The following ENPP1 variants were observed in gnomAD, a reference collection of about 807,000 sequenced individuals.
ENPP1 encodes the protein ectonucleotide pyrophosphatase/phosphodiesterase family member 1.
A neutral mutation model predicts 122.8 loss-of-function variants in ENPP1; 73 were observed. The observed-to-expected ratio is 0.59, with a 90% confidence interval of 0.49 to 0.72. The LOEUF is 0.72. Among genes scored for constraint, ENPP1 ranks in the 30% least tolerant of loss-of-function variants. The pLI is 0.00. For missense variants in ENPP1, 978 were observed against 1,128.1 expected, an observed-to-expected ratio of 0.87 and a Z score of 1.91; for synonymous variants, 367 against 391.6, an observed-to-expected ratio of 0.94 and a Z score of 0.74.
At chr6:131,866,989 G>A (rs1782098945) in intron 11 of ENPP1, among the ~76,000 whole-genome samples, 1 of 152,166 alleles carries the variant, frequency 6.6e-6, no homozygotes, top group African/African-American at 2.4e-5. Flanking sequence ...GAAAATCATT[G>A]CTGCCTTTTC....
At chr6:131,877,279 CAT>C (rs1347784692) in intron 18 of ENPP1, 118 bp downstream of exon 18, 4 of 980,592 alleles carry the variant, frequency 4.1e-6, no homozygotes, top group Middle Eastern at 2.0e-4. Flanking sequence ...GGTAGGTAAA[CAT>C]ATGTTTTAAT....
intron 2 of ENPP1, among the ~76,000 whole-genome samples, chr6:131,848,449 C>T (rs1290763696): frequency 6.6e-6 from 1 of 152,090 alleles, no homozygotes; most frequent in Non-Finnish European, 1.5e-5. Flanking sequence ...CATTGATGGT[C>T]ATTCTAGAGA....
chr6:131,843,633 C>A (rs1781768800), intron 1 of ENPP1, among the ~76,000 whole-genome samples: 1 of 151,566 alleles, frequency 6.6e-6, no homozygotes, highest in Non-Finnish European at 1.5e-5. Flanking sequence ...GTTTTCCCCA[C>A]CTTTCCCTCT....
rs752882955 is a variant in ENPP1, at chr6:131,868,119, A to T, written c.1266A>T (p.Ser422=). The T allele has an allele frequency of 1.1e-5, 17 of 1,608,018 alleles. No homozygotes were observed. The Admixed American group carries it at 2.2e-4, about 21-fold the overall frequency. The change falls in exon 12 of 25, where the codon TCA becomes TCT. Residue 422 remains serine (S), a synonymous_variant. Transcript: ENST00000647893. ...LHRCLNLILI[S]DHGMEQGSCK... is the part of the protein sequence containing the mutation. Reference sequence around the variant, plus strand: ...GATGCCTGAACCTCATCCTTATTTCAGATCATGGTAATCTGAATTTGCATT... The same window carrying T: ...GATGCCTGAACCTCATCCTTATTTCTGATCATGGTAATCTGAATTTGCATT...
At chr6:131,880,921 T>C (rs944385527) in intron 20 of ENPP1, among the ~76,000 whole-genome samples, 1 of 152,082 alleles carries the variant, frequency 6.6e-6, no homozygotes, top group African/African-American at 2.4e-5. Context: ...AAGAGCAGCC[T>C]TCCCCCTCAC....
At chr6:131,860,977 T>A (rs962514459) in intron 8 of ENPP1, among the ~76,000 whole-genome samples, 14 of 152,250 alleles carry the variant, frequency 9.2e-5, no homozygotes, top group South Asian at 2.1e-4. Context: ...TTTAAAAAAA[T>A]TTTTTAAAAA....
At chr6:131,863,703 A>T (rs1337274931) in intron 9 of ENPP1, among the ~76,000 whole-genome samples, 2 of 151,354 alleles carry the variant, frequency 1.3e-5, no homozygotes, top group East Asian at 1.9e-4. Context: ...TCACGAGGTC[A>T]GGAGATCACC....
intron 1 of ENPP1, among the ~76,000 whole-genome samples, chr6:131,817,916 C>T (rs535066773): frequency 9.1e-4 from 138 of 152,136 alleles, no homozygotes; most frequent in African/African-American, 3.2e-3. Context: ...CATTTTCTCA[C>T]CGTATTTCAG....
Position 131,808,099 on chromosome 6 carries a change from G to T in ENPP1, c.64G>T (p.Glu22Ter). ...RGGEGGRAPREGPAGNGRDRG... is the reference protein window; with the variant it reads ...RGGEGGRAPR ...CGGCGAGGGCGGGCGCGCTCCCCGG[G>T]AGGGCCCGGCGGGGAACGGCCGCGA... The change falls in exon 1 of 25, where the codon GAG (glutamate) becomes TAG (stop). Residue 22 changes from glutamate to a stop codon, truncating the protein, a stop_gained. Transcript: ENST00000647893. LOFTEE classifies it high-confidence loss of function. 8.5e-7 allele frequency: 1 copy of T among 1,174,336 alleles called. No individual in the cohort carries two copies. The highest frequency in any genetic ancestry group is 3.5e-4 in the Middle Eastern group (1 of 2,868). 72.7% of individuals were successfully genotyped at this position (1,174,336 alleles called of 1,614,324 possible). A position where few individuals can be genotyped will look rare whatever the true frequency, so the allele number is the denominator to read the frequency against.
In ENPP1 at chr6:131,877,118, C is replaced by A. The variant is rs778498608; in HGVS notation, c.1850C>A (p.Thr617Lys). Reference protein sequence around the residue: ...EVHPLVQCPFTRNPRDNLGCS... With the variant: ...EVHPLVQCPFKRNPRDNLGCS... ...CACCCCCTGGTACAGTGCCCCTTCA[C>A]AAGAAACCCCAGAGATAACCTTGGC... is the stretch of plus-strand genomic sequence containing the variant. The change falls in exon 18 of 25, where the codon ACA (threonine) becomes AAA (lysine). Residue 617 changes from threonine to lysine, a missense_variant. By Grantham distance (78) the Thr-to-Lys change is moderately conservative. This residue lies in a region of ENPP1 where 644 missense variants were observed against 781.5 expected (regional missense o/e 0.82). Transcript: ENST00000647893. 1 of 1,614,002 alleles carries A rather than the reference C, an allele frequency of 6.2e-7. No individual in the cohort carries two copies.
Position 131,847,839 on chromosome 6 carries a change from G to A in ENPP1, c.304G>A (p.Ala102Thr), listed in dbSNP as rs1250860929. The A allele has an allele frequency of 6.2e-7, 1 of 1,607,640 alleles. No individual in the cohort carries two copies. The highest frequency in any genetic ancestry group is 1.3e-5 in the African/African-American group (1 of 74,570). ...TATATTTGGGTTGAAACCAAGCTGT[G>A]CCAAAGAAGGTAATTAGGTGTGTGT... Reference protein sequence around the residue: ...GCIFGLKPSCAKEVKSCKGRC... With the variant: ...GCIFGLKPSCTKEVKSCKGRC... The change falls in exon 2 of 25, where the codon GCC becomes ACC. Residue 102 changes from alanine to threonine, a missense_variant. Ala to Thr is a moderately conservative substitution (Grantham distance 58). Around this residue, in one of 3 missense-constraint regions of ENPP1, gnomAD observed 330 missense variants for 328.5 expected, o/e 1.00. Transcript: ENST00000647893.
intron 1 of ENPP1, among the ~76,000 whole-genome samples, chr6:131,819,440 A>G (rs1005835865): frequency 6.6e-6 from 1 of 152,250 alleles, no homozygotes; most frequent in Non-Finnish European, 1.5e-5. Context: ...GTGACACTAA[A>G]TGTTAAATAC....
At chr6:131,839,502 GAACCCC>G (rs1781715156) in intron 1 of ENPP1, among the ~76,000 whole-genome samples, 1 of 152,122 alleles carries the variant, frequency 6.6e-6, no homozygotes, top group Non-Finnish European at 1.5e-5. Context: ...GTTATGCTGA[GAACCCC>G]TAAAATGCCA....
At chr6:131,855,595 G>A (rs1198427657) in intron 6 of ENPP1, among the ~76,000 whole-genome samples, 4 of 152,134 alleles carry the variant, frequency 2.6e-5, no homozygotes, top group African/African-American at 9.7e-5. Flanking sequence ...CAAAGTGCTA[G>A]GATTACAGGC....
chr6:131,837,325 A>G (rs1781687190), intron 1 of ENPP1, among the ~76,000 whole-genome samples: 1 of 151,996 alleles, frequency 6.6e-6, no homozygotes, highest in Non-Finnish European at 1.5e-5. Context: ...CAGGAGTTTG[A>G]GACCATCCTG....
intron 1 of ENPP1, chr6:131,826,076 G>A (rs1781543235): frequency 3.8e-6 from 3 of 779,344 alleles, no homozygotes; most frequent in African/African-American, 3.4e-5. Context: ...CTCTGCTTTA[G>A]GGACTGATAT....
intron 1 of ENPP1, among the ~76,000 whole-genome samples, chr6:131,829,798 G>A (rs758322197): frequency 3.3e-5 from 5 of 152,174 alleles, no homozygotes; most frequent in Non-Finnish European, 5.9e-5. Context: ...CTAGGGCTTC[G>A]CTGTAGCAGC....
At position 131,827,907 on chromosome 6, in the gene ENPP1, T is replaced by C; in HGVS notation, c.240+19632T>C. 4 of 1,291,408 alleles carry C rather than the reference T, an allele frequency of 3.1e-6. No individual in the cohort carries two copies. In the Admixed American group the frequency reaches 6.8e-5, roughly 22 times the overall value. The allele number at this position is 1,291,408 out of a possible 1,614,324, so 80.0% of individuals were successfully genotyped here. On this transcript the variant is annotated intron_variant, in intron 1 of 24. Coordinates refer to ENST00000647893, the MANE Select transcript of ENPP1 (RefSeq NM_006208.3). ...TCACTGACTGCTCGGCCACTGTTTC[T>C]GACAGGGTGCAGGTGGTCCGTGGAG... is the stretch of plus-strand genomic sequence containing the variant.
intron 9 of ENPP1, among the ~76,000 whole-genome samples, chr6:131,863,912 C>A (rs1237775842): frequency 2.6e-5 from 4 of 151,816 alleles, no homozygotes. Flanking sequence ...GAGACTCTGT[C>A]TCAAAAAAAA....
Sources: allele counts gnomAD v4.1 joint callset (sites outside exome capture counted in the v4.1 genomes callset), GRCh38; gene constraint gnomAD v4.1.1; regional missense constraint gnomAD v4.1.1; transcripts MANE v1.5; gene names NCBI Gene and HGNC (gene_info 2026-07-23, HGNC 2026-07-21).